Variants in LEPR observed in about 807,000 individuals in gnomAD.
LEPR encodes the protein OB receptor.
In LEPR, 56 loss-of-function variants were observed where a neutral mutation model predicts 114.7. That is an observed-to-expected ratio of 0.49 (90% CI 0.39 to 0.61). The LOEUF is 0.61. LEPR is among the 20% of genes least tolerant of loss of function. The pLI is 0.00. For synonymous variants in LEPR, 443 were observed against 461.4 expected (o/e 0.96, Z 0.51); for missense variants, 1,202 against 1,352.9 (o/e 0.89, Z 1.75).
At position 65,602,021 on chromosome 1, in the gene LEPR, A is replaced by G. The variant is rs1656473421; in HGVS notation, c.1403+61A>G. 5 of 1,379,388 alleles carry G rather than the reference A, an allele frequency of 3.6e-6. No individual in the cohort carries two copies. In the Admixed American group the frequency reaches 8.4e-5, roughly 23 times the overall value. The allele number at this position is 1,379,388 out of a possible 1,614,324, so 85.4% of individuals were successfully genotyped here. ...GCACAGTGAGATAAAAATTTTCTTT[A>G]GAAATATTACAACAGTAGTCTTACA... On this transcript the variant is annotated intron_variant, in intron 10 of 19. Transcript: ENST00000349533.
At chr1:65,513,003 A>G (rs1291240809) in intron 2 of LEPR, among the ~76,000 whole-genome samples, 2 of 152,180 alleles carry the variant, frequency 1.3e-5, no homozygotes, top group Non-Finnish European at 2.9e-5. Context: ...ACCATCTGGA[A>G]GGAAAAAGCT....
At chr1:65,636,088 G>A in intron 19 of LEPR, 103 bp from the exon 20 acceptor site, 1 of 1,334,122 alleles carries the variant, frequency 7.5e-7, no homozygotes, top group Non-Finnish European at 1.1e-6. Flanking sequence ...GTTGACTTAT[G>A]TTCTTTATTA....
chr1:65,603,263 G>A (rs1656571829), intron 10 of LEPR, among the ~76,000 whole-genome samples: 1 of 151,858 alleles, frequency 6.6e-6, no homozygotes, highest in Non-Finnish European at 1.5e-5. Context: ...AAGTGTACTA[G>A]TACTGTGCTT....
At chr1:65,502,865 G>T (rs546119542) in intron 2 of LEPR, among the ~76,000 whole-genome samples, 2 of 151,564 alleles carry the variant, frequency 1.3e-5, no homozygotes, top group South Asian at 4.2e-4. Flanking sequence ...AGAGTAACAT[G>T]TCAGAGAGAA....
intron 2 of LEPR, among the ~76,000 whole-genome samples, chr1:65,461,779 C>A (rs1166592694): frequency 6.6e-6 from 1 of 152,128 alleles, no homozygotes; most frequent in Non-Finnish European, 1.5e-5. Context: ...ATCTGACAAA[C>A]CCCACCTCAG....
At chr1:65,603,870 T>C (rs1046575464) in intron 10 of LEPR, among the ~76,000 whole-genome samples, 2 of 152,130 alleles carry the variant, frequency 1.3e-5, no homozygotes, top group African/African-American at 4.8e-5. Context: ...TTTTTAAATT[T>C]TCTTTTCTGA....
intron 2 of LEPR, among the ~76,000 whole-genome samples, chr1:65,549,829 C>T (rs867136434): frequency 2.8e-4 from 42 of 152,350 alleles, no homozygotes; most frequent in African/African-American, 9.6e-4. Flanking sequence ...AGTCATTCTC[C>T]ATCCAGCTTT....
chr1:65,627,119 C>A (rs1658264818), intron 19 of LEPR, among the ~76,000 whole-genome samples: 1 of 152,156 alleles, frequency 6.6e-6, no homozygotes, highest in African/African-American at 2.4e-5. Context: ...AGTAGCTTGT[C>A]TTGCTCACCC....
intron 5 of LEPR, among the ~76,000 whole-genome samples, chr1:65,579,292 G>A (rs1290330234): frequency 6.6e-6 from 1 of 152,168 alleles, no homozygotes; most frequent in Non-Finnish European, 1.5e-5. Context: ...GAATGTCCCA[G>A]GGTGGATAAT....
At chr1:65,548,821 A>G (rs1480657405) in intron 2 of LEPR, among the ~76,000 whole-genome samples, 1 of 152,156 alleles carries the variant, frequency 6.6e-6, no homozygotes, top group Non-Finnish European at 1.5e-5. Context: ...TAAAGTTAAT[A>G]TCGTTATGTG....
At chr1:65,531,836 A>G (rs1051112325) in intron 2 of LEPR, among the ~76,000 whole-genome samples, 1 of 152,056 alleles carries the variant, frequency 6.6e-6, no homozygotes, top group Non-Finnish European at 1.5e-5. Flanking sequence ...GCCACTATAA[A>G]TAAAGCAGCT....
At chr1:65,580,575 G>T (rs1025958371) in intron 5 of LEPR, among the ~76,000 whole-genome samples, 7 of 152,196 alleles carry the variant, frequency 4.6e-5, no homozygotes, top group Non-Finnish European at 1.0e-4. Flanking sequence ...ACTGCTCTGA[G>T]ATTTTCTCTT....
chr1:65,530,668 T>A (rs1570621724), intron 2 of LEPR, among the ~76,000 whole-genome samples: 1 of 152,210 alleles, frequency 6.6e-6, no homozygotes, highest in East Asian at 1.9e-4. Flanking sequence ...CATCTTGATT[T>A]TGGTGGGTTT....
At chr1:65,621,809 T>C (rs1657903179) in intron 18 of LEPR, among the ~76,000 whole-genome samples, 1 of 152,136 alleles carries the variant, frequency 6.6e-6, no homozygotes, top group African/African-American at 2.4e-5. Context: ...AGGGGGCTTA[T>C]CACAAGCTTG....
rs567510523 is a variant in LEPR, at chr1:65,427,320, T to C, written c.-21+1942T>C. On this transcript the variant is annotated intron_variant, in intron 2 of 19. Transcript: ENST00000349533. ...CGGCCGTGGTGGCTCATGCCTATAA[T>C]CCCAGCACTTTGGGAGGCAACGGTA... 6.6e-5 allele frequency among the ~76,000 whole-genome samples: 10 copies of C among 152,264 alleles called. No homozygotes were observed. In the South Asian group the frequency reaches 1.9e-3, roughly 28 times the overall value.
rs1431369568 is a variant in LEPR, at chr1:65,619,978, A to G, written c.2446A>G (p.Met816Val). ...CCAGTTCAGTCTTTACCCAATATTT[A>G]TGGAAGGAGTGGGAAAACCAAAGAT... is the stretch of plus-strand genomic sequence containing the variant. ...KYQFSLYPIF[M>V]EGVGKPKIIN... The change falls in exon 17 of 20, where the codon ATG becomes GTG. Residue 816 changes from methionine to valine, a missense_variant. By Grantham distance (21) the Met-to-Val change is conservative. Coordinates refer to ENST00000349533, the MANE Select transcript of LEPR (RefSeq NM_002303.6). 2 of 1,612,340 alleles carry G rather than the reference A, an allele frequency of 1.2e-6. No homozygotes were observed. The highest frequency in any genetic ancestry group is 1.7e-6 in the Non-Finnish European group (2 of 1,178,756).
intron 2 of LEPR, among the ~76,000 whole-genome samples, chr1:65,538,708 T>C (rs555798296): frequency 1.3e-5 from 2 of 152,246 alleles, no homozygotes; most frequent in Admixed American, 6.5e-5. Context: ...CCTTTAGTGA[T>C]TTTTTTCTTC....
intron 5 of LEPR, among the ~76,000 whole-genome samples, chr1:65,586,759 T>C (rs1232791743): frequency 6.6e-6 from 1 of 152,080 alleles, no homozygotes; most frequent in Non-Finnish European, 1.5e-5. Flanking sequence ...TTTAGATTGA[T>C]GCTGATAGTG....
At chr1:65,582,028 C>T (rs983467090) in intron 5 of LEPR, among the ~76,000 whole-genome samples, 15 of 152,164 alleles carry the variant, frequency 9.9e-5, no homozygotes. Context: ...AGGTTTTCTT[C>T]ACCATGCTTC....
Sources: gnomAD v4.1 joint callset for allele counts (sites outside exome capture counted in the v4.1 genomes callset) on GRCh38, gnomAD v4.1.1 for gene constraint, MANE v1.5 for transcripts, NCBI Gene and HGNC (gene_info 2026-07-23, HGNC 2026-07-21) for gene names.